The following DOK5 variants were observed in gnomAD, a reference collection of about 807,000 sequenced individuals.
DOK5 encodes the protein docking protein 5.
In DOK5, 27 loss-of-function variants were observed where a neutral mutation model predicts 43.3. That is an observed-to-expected ratio of 0.62 (90% CI 0.46 to 0.86). DOK5 has a LOEUF of 0.86. Ranked by LOEUF, DOK5 falls within the 40% of genes least tolerant of loss-of-function variation. DOK5 has a pLI of 0.00. For missense variants in DOK5, 373 were observed against 392.9 expected (o/e 0.95, Z 0.43); for synonymous variants, 146 against 140.1 (o/e 1.04, Z -0.30).
chr20:54,523,747 A>G (rs1338935608), intron 1 of DOK5, among the ~76,000 whole-genome samples: 1 of 149,964 alleles, frequency 6.7e-6, no homozygotes, highest in Admixed American at 6.6e-5. Context: ...CTGGGATTAC[A>G]GGTGTGCACC....
intron 7 of DOK5, among the ~76,000 whole-genome samples, chr20:54,644,546 A>G (rs1349962500): frequency 8.9e-6 from 1 of 112,204 alleles, no homozygotes; most frequent in Admixed American, 9.1e-5. Context: ...CTACTAAAAA[A>G]CACAAAAAAA....
rs895481996 is a variant in DOK5 at position 54,493,815 on chromosome 20, T to G, written c.66+17803T>G. Among the ~76,000 whole-genome samples the G allele has an allele frequency of 3.3e-5, 5 of 152,274 alleles. No homozygotes were observed. The East Asian group carries it at 9.7e-4, about 29-fold the overall frequency. On this transcript the variant is annotated intron_variant, in intron 1 of 7. Transcript: ENST00000262593. ...TTTGTTGGGTGTGGTGGCTGGCACC[T>G]GTACTCCTAACTACTCAGGAGGCTG...
At chr20:54,588,385 G>C in intron 2 of DOK5, 98 bp from the exon 3 acceptor site, 1 of 922,056 alleles carries the variant, frequency 1.1e-6, no homozygotes. Flanking sequence ...GTGCTCAGCT[G>C]TGCTGTGCCA....
At chr20:54,493,324 A>G (rs1238533309) in intron 1 of DOK5, among the ~76,000 whole-genome samples, 2 of 152,130 alleles carry the variant, frequency 1.3e-5, no homozygotes, top group African/African-American at 4.8e-5. Flanking sequence ...CATGAGCCCA[A>G]CACACCACCT....
At chr20:54,621,239 G>A (rs574333309) in intron 6 of DOK5, among the ~76,000 whole-genome samples, 17 of 152,308 alleles carry the variant, frequency 1.1e-4, no homozygotes, top group South Asian at 6.2e-4. Context: ...AGGCTTTCAT[G>A]TATTACTTTA....
At chr20:54,489,724 G>A (rs533757441) in intron 1 of DOK5, among the ~76,000 whole-genome samples, 45 of 152,210 alleles carry the variant, frequency 3.0e-4, no homozygotes, top group African/African-American at 9.4e-4. Flanking sequence ...ACCTGGGTTC[G>A]AATCCAACGT....
chr20:54,539,550 C>G (rs1184550990), intron 1 of DOK5, among the ~76,000 whole-genome samples: 2 of 152,158 alleles, frequency 1.3e-5, no homozygotes, highest in Non-Finnish European at 2.9e-5. Context: ...CAACTATTAT[C>G]TCCAAATAAA....
intron 5 of DOK5, among the ~76,000 whole-genome samples, chr20:54,598,937 GA>G (rs1304054777): frequency 6.6e-6 from 1 of 151,982 alleles, no homozygotes; most frequent in Non-Finnish European, 1.5e-5. Flanking sequence ...TTTCATTCAA[GA>G]AAAAAACTGT....
chr20:54,613,065 C>A (rs982379674), intron 6 of DOK5, among the ~76,000 whole-genome samples: 1 of 152,160 alleles, frequency 6.6e-6, no homozygotes, highest in Non-Finnish European at 1.5e-5. Flanking sequence ...AATAGCTGAG[C>A]CATCATTAGC....
rs556643794 is a variant in DOK5 at position 54,637,938 on chromosome 20, C to T, written c.736-5520C>T. Among the ~76,000 whole-genome samples, 270 of 152,174 alleles carry T rather than the reference C, an allele frequency of 1.8e-3. 1 individual carries two copies. Among genetic ancestry groups the T allele is most frequent in the Non-Finnish European group, 2.3e-3 (154 of 67,992 alleles). On this transcript the variant is annotated intron_variant, in intron 6 of 7. Transcript: ENST00000262593. ...GAGATCAAGACCATCGTGGCTAACA[C>T]GGTGAAACCCCGTCTCTACTAAAAA...
At chr20:54,638,063 A>G (rs190264426) in intron 6 of DOK5, among the ~76,000 whole-genome samples, 43 of 148,462 alleles carry the variant, frequency 2.9e-4, no homozygotes, top group Admixed American at 2.3e-3. Flanking sequence ...CGGAGCTTGC[A>G]GTGAGCCGAG....
intron 1 of DOK5, among the ~76,000 whole-genome samples, chr20:54,523,445 T>A (rs1277675624): frequency 6.6e-6 from 1 of 151,890 alleles, no homozygotes; most frequent in Non-Finnish European, 1.5e-5. Flanking sequence ...CCATGCCTGT[T>A]ATCCCAGCTA....
At chr20:54,552,778 C>T (rs1984573974) in intron 1 of DOK5, among the ~76,000 whole-genome samples, 1 of 152,104 alleles carries the variant, frequency 6.6e-6, no homozygotes, top group Non-Finnish European at 1.5e-5. Context: ...TAGAACTAAA[C>T]TTCGGAGTAG....
intron 1 of DOK5, among the ~76,000 whole-genome samples, chr20:54,541,232 C>T (rs1247964643): frequency 6.6e-6 from 1 of 152,090 alleles, no homozygotes; most frequent in Non-Finnish European, 1.5e-5. Flanking sequence ...TAGCACTTTC[C>T]ACTTCTCCTC....
chr20:54,558,982 T>G (rs1042647253), intron 2 of DOK5, among the ~76,000 whole-genome samples: 3 of 152,214 alleles, frequency 2.0e-5, no homozygotes, highest in Non-Finnish European at 4.4e-5. Flanking sequence ...AATTTATTTT[T>G]TATTTCTTAC....
At chr20:54,605,024 TACACAC>T (rs35834800) in intron 5 of DOK5, among the ~76,000 whole-genome samples, 2 of 132,470 alleles carry the variant, frequency 1.5e-5, no homozygotes, top group African/African-American at 6.3e-5. Context: ...TATATATATA[TACACAC>T]ACACACACAC....
intron 2 of DOK5, among the ~76,000 whole-genome samples, chr20:54,565,031 G>T (rs922375864): frequency 6.6e-6 from 1 of 151,968 alleles, no homozygotes; most frequent in Admixed American, 6.6e-5. Context: ...TTCCTTCAGG[G>T]ATTAGCTCAA....
At chr20:54,586,666 T>C (rs1985812437) in intron 2 of DOK5, among the ~76,000 whole-genome samples, 1 of 152,148 alleles carries the variant, frequency 6.6e-6, no homozygotes, top group Non-Finnish European at 1.5e-5. Flanking sequence ...TGGTGTAGCC[T>C]TGAGACTGAC....
intron 5 of DOK5, among the ~76,000 whole-genome samples, chr20:54,605,082 CT>C (rs1986430780): frequency 6.7e-6 from 1 of 149,300 alleles, no homozygotes; most frequent in African/African-American, 2.5e-5. Flanking sequence ...AAAATGTGTT[CT>C]GCTTTTGGCA....
Sources: gnomAD v4.1 joint callset for allele counts (sites outside exome capture counted in the v4.1 genomes callset) on GRCh38, gnomAD v4.1.1 for gene constraint, MANE v1.5 for transcripts, NCBI Gene and HGNC (gene_info 2026-07-23, HGNC 2026-07-21) for gene names.